MED27: variants seen among roughly 807,000 people sequenced by gnomAD.
MED27 encodes the protein mediator of RNA polymerase II transcription subunit 27.
MED27 carries 30 observed loss-of-function variants against 38.2 expected under a neutral mutation model. The observed-to-expected ratio is 0.79, with a 90% CI of 0.59 to 1.07. The LOEUF is 1.07. MED27 is among the 50% of genes least tolerant of loss of function. The pLI, the probability that MED27 is intolerant of heterozygous loss-of-function variation, is 0.00. For missense variants in MED27, 289 were observed against 397.5 expected (o/e 0.73, Z 2.32); for synonymous variants, 122 against 153.5 (o/e 0.79, Z 1.52).
chr9:131,973,988 C>T (rs570901993), intron 3 of MED27, among the ~76,000 whole-genome samples: 3 of 152,028 alleles, frequency 2.0e-5, no homozygotes, highest in Non-Finnish European at 4.4e-5. Context: ...GCTGGGATTA[C>T]AGGCGTGAGC....
intron 3 of MED27, among the ~76,000 whole-genome samples, chr9:131,947,259 C>G (rs961760543): frequency 1.3e-5 from 2 of 152,140 alleles, no homozygotes; most frequent in Non-Finnish European, 2.9e-5. Context: ...CAACAGCAAC[C>G]AGAGAACTCC....
At chr9:131,996,316 T>C (rs1340627446) in intron 3 of MED27, among the ~76,000 whole-genome samples, 3 of 152,098 alleles carry the variant, frequency 2.0e-5, no homozygotes, top group South Asian at 4.2e-4. Flanking sequence ...AAAGGCACAG[T>C]GATGAGGGGC....
intron 6 of MED27, chr9:131,869,509 C>G: frequency 1.3e-6 from 1 of 766,636 alleles, no homozygotes. Context: ...AGCCGCCCTC[C>G]CCCTTGGCGG....
chr9:131,863,251 A>T (rs1838681295), intron 6 of MED27, 111 bp from the exon 7 acceptor site: 2 of 807,054 alleles, frequency 2.5e-6, no homozygotes, highest in Admixed American at 4.8e-5. Context: ...TATCTCGTGG[A>T]GGAAAGGGCA....
At chr9:131,974,464 C>A (rs1831560361) in intron 3 of MED27, among the ~76,000 whole-genome samples, 1 of 152,180 alleles carries the variant, frequency 6.6e-6, no homozygotes, top group Non-Finnish European at 1.5e-5. Flanking sequence ...GATCCCAGGA[C>A]ACTGGGGATG....
At chr9:131,912,262 C>G (rs1229768508) in intron 4 of MED27, among the ~76,000 whole-genome samples, 1 of 152,184 alleles carries the variant, frequency 6.6e-6, no homozygotes, top group African/African-American at 2.4e-5. Flanking sequence ...ATTAAAGGCT[C>G]TGAAAAGGAC....
At chr9:131,891,065 G>C (rs1839221187) in intron 5 of MED27, among the ~76,000 whole-genome samples, 1 of 152,196 alleles carries the variant, frequency 6.6e-6, no homozygotes, top group South Asian at 2.1e-4. Flanking sequence ...ACCCAGGTCG[G>C]CCATCTCTAG....
intron 3 of MED27, among the ~76,000 whole-genome samples, chr9:131,943,436 G>A (rs570619459): frequency 5.9e-5 from 9 of 152,132 alleles, no homozygotes; most frequent in Non-Finnish European, 1.3e-4. Flanking sequence ...GCTGCCTCCC[G>A]AGACGGTGAG....
intron 4 of MED27, among the ~76,000 whole-genome samples, chr9:131,905,748 G>C (rs898226891): frequency 5.3e-5 from 3 of 56,242 alleles, no homozygotes; most frequent in African/African-American, 1.8e-4. Context: ...AAAAGAAAAA[G>C]AAAAGAAAAA....
chr9:132,055,588 T>C (rs1653364679), intron 2 of MED27, among the ~76,000 whole-genome samples: 1 of 152,200 alleles, frequency 6.6e-6, no homozygotes, highest in South Asian at 2.1e-4. Flanking sequence ...AAACCACAAA[T>C]GAAATCTGCT....
intron 2 of MED27, among the ~76,000 whole-genome samples, chr9:132,056,100 C>T (rs1413426045): frequency 6.6e-6 from 1 of 152,142 alleles, no homozygotes. Context: ...ATTTTATCCT[C>T]GAATATAACA....
At chr9:131,928,700 AC>A (rs1830525837) in intron 4 of MED27, among the ~76,000 whole-genome samples, 1 of 152,170 alleles carries the variant, frequency 6.6e-6, no homozygotes, top group African/African-American at 2.4e-5. Flanking sequence ...GAAATCACCC[AC>A]CCCAGTGTGG....
intron 3 of MED27, among the ~76,000 whole-genome samples, chr9:131,968,280 T>C (rs1831397037): frequency 6.6e-6 from 1 of 151,926 alleles, no homozygotes; most frequent in Admixed American, 6.6e-5. Flanking sequence ...TCGAGACCAG[T>C]CTGGACAACA....
rs1038711570 is a variant in MED27 at position 131,862,192 on chromosome 9, C to T, written c.801+871G>A. Among the ~76,000 whole-genome samples, 6 of 152,324 alleles carry T rather than the reference C, an allele frequency of 3.9e-5. No homozygotes were observed. In the South Asian group the frequency reaches 1.0e-3, roughly 26 times the overall value. Reference sequence around the variant, plus strand: ...GAACTCCAGGCTCTCTGAGCAGTGGCACTGTTGATGCCATGTGATAAGATG... The same window carrying T: ...GAACTCCAGGCTCTCTGAGCAGTGGTACTGTTGATGCCATGTGATAAGATG... On this transcript the variant is annotated intron_variant, in intron 7 of 7. Coordinates refer to ENST00000292035, the MANE Select transcript of MED27 (RefSeq NM_004269.4). The surrounding 1 kb of genome is among the most constrained non-coding windows in gnomAD (Gnocchi z 4.6).
At chr9:132,075,995 G>A (rs1834039273) in intron 2 of MED27, among the ~76,000 whole-genome samples, 1 of 152,162 alleles carries the variant, frequency 6.6e-6, no homozygotes, top group African/African-American at 2.4e-5. Context: ...ATCTCAGAGG[G>A]CACCTATCAA....
At chr9:132,076,194 C>T (rs182228445) in intron 2 of MED27, among the ~76,000 whole-genome samples, 2 of 152,242 alleles carry the variant, frequency 1.3e-5, no homozygotes, top group East Asian at 3.9e-4. Context: ...GCACCCTGAT[C>T]CTCCTGAGTT....
At chr9:132,029,386 A>T (rs1832900186) in intron 2 of MED27, among the ~76,000 whole-genome samples, 1 of 152,182 alleles carries the variant, frequency 6.6e-6, no homozygotes, top group Non-Finnish European at 1.5e-5. Flanking sequence ...GATTGGCAAC[A>T]TTTTTTTGCC....
intron 4 of MED27, among the ~76,000 whole-genome samples, chr9:131,928,989 GAA>G (rs1830530471): frequency 6.6e-6 from 1 of 152,250 alleles, no homozygotes; most frequent in Admixed American, 6.5e-5. Flanking sequence ...ACAGGAGAGC[GAA>G]GAGTAAAGAG....
intron 4 of MED27, among the ~76,000 whole-genome samples, chr9:131,901,083 G>A (rs914056260): frequency 3.0e-5 from 4 of 133,472 alleles, no homozygotes; most frequent in African/African-American, 1.1e-4. Flanking sequence ...AAGAGATGGG[G>A]AGAGAGAATG....
Sources: gnomAD v4.1 joint callset for allele counts (sites outside exome capture counted in the v4.1 genomes callset) on GRCh38, gnomAD v4.1.1 for gene constraint, Gnocchi (gnomAD v3.1) non-coding constraint, MANE v1.5 for transcripts, NCBI Gene and HGNC (gene_info 2026-07-23, HGNC 2026-07-21) for gene names.